TEK: variants seen among roughly 807,000 people sequenced by gnomAD.
TEK encodes the protein TEK receptor tyrosine kinase.
TEK carries 43 observed loss-of-function variants against 131.8 expected under a neutral mutation model. The ratio of observed to expected loss-of-function variants is 0.33; its 90% CI spans 0.26 to 0.42. TEK has a LOEUF of 0.42. Among genes scored for constraint, TEK ranks in the 10% least tolerant of loss-of-function variants. TEK has a pLI of 1.00. For synonymous variants in TEK, 580 were observed against 491.6 expected (o/e 1.18, Z -2.38); for missense variants, 1,162 against 1,384.4 (o/e 0.84, Z 2.55).
intron 1 of TEK, among the ~76,000 whole-genome samples, chr9:27,118,982 A>C (rs1396071394): frequency 1.3e-5 from 2 of 152,230 alleles, no homozygotes; most frequent in African/African-American, 4.8e-5. Flanking sequence ...AAGATGGACC[A>C]AGACAGGCAC....
Position 27,173,145 on chromosome 9 carries a change from G to T in TEK, c.761-77G>T, listed in dbSNP as rs1824028680. On this transcript the variant is annotated intron_variant, in intron 5 of 22. Transcript: ENST00000380036. ...GTTTCCCATATTCACTAGACTAGGA[G>T]AAATGAATCTAAAGAATTATGTATT... The T allele has an allele frequency of 3.8e-6, 6 of 1,574,988 alleles. No homozygotes were observed. In the African/African-American group the frequency reaches 6.8e-5, roughly 18 times the overall value.
At chr9:27,224,223 A>G (rs1826211920) in intron 21 of TEK, among the ~76,000 whole-genome samples, 3 of 150,942 alleles carry the variant, frequency 2.0e-5, no homozygotes, top group African/African-American at 7.3e-5. Context: ...ACTATTCCAA[A>G]CAATAGAAAA....
intron 1 of TEK, among the ~76,000 whole-genome samples, chr9:27,130,556 A>T (rs1037194112): frequency 1.3e-4 from 20 of 152,134 alleles, no homozygotes; most frequent in African/African-American, 4.8e-4. Flanking sequence ...TCAATTCAAG[A>T]ATAATAAAAG....
intron 5 of TEK, 131 bp downstream of exon 5, chr9:27,172,878 G>C (rs921481451): frequency 7.8e-7 from 1 of 1,285,028 alleles, no homozygotes; most frequent in Non-Finnish European, 1.1e-6. Context: ...GTACCTGTGT[G>C]TGAATTAGAA....
chr9:27,180,760 A>C (rs1487224407), intron 7 of TEK, among the ~76,000 whole-genome samples: 1 of 152,216 alleles, frequency 6.6e-6, no homozygotes. Context: ...AATAAAACAA[A>C]TAGAAAAGAT....
intron 18 of TEK, among the ~76,000 whole-genome samples, chr9:27,214,793 C>T (rs903147181): frequency 2.0e-5 from 3 of 152,162 alleles, no homozygotes; most frequent in Non-Finnish European, 4.4e-5. Context: ...TTCGAGGGCC[C>T]TGCATGCTTA....
At chr9:27,211,048 G>C (rs1248161455) in intron 16 of TEK, among the ~76,000 whole-genome samples, 1 of 151,746 alleles carries the variant, frequency 6.6e-6, no homozygotes, top group Non-Finnish European at 1.5e-5. Flanking sequence ...CTTGAACCTG[G>C]GAGGCGGAGG....
Position 27,212,869 on chromosome 9 carries a change from G to A in TEK, c.2849G>A (p.Arg950Gln), listed in dbSNP as rs376285577. The A allele has an allele frequency of 1.5e-5, 24 of 1,613,848 alleles. 1 individual carries two copies. In the Admixed American group the frequency reaches 1.7e-4, roughly 11 times the overall value. Residue 950 changes from arginine to glutamine, a missense_variant, in exon 17 of 23, where the codon CGG (arginine) becomes CAG (glutamine). Arg to Gln is a conservative substitution (Grantham distance 43). Transcript: ENST00000380036. ...QLLHFAADVA[R>Q]GMDYLSQKQF... ...CTTCACTTCGCTGCCGACGTGGCCC[G>A]GGGCATGGACTACTTGAGCCAAAAA... is the stretch of plus-strand genomic sequence containing the variant.
chr9:27,191,807 C>T (rs2208635), intron 10 of TEK: 16,620 of 383,234 alleles, frequency 0.043, 954 homozygotes, highest in Admixed American at 0.2. Flanking sequence ...AATAATCCAT[C>T]ACCTTTGTCT....
At chr9:27,226,562 C>T (rs1301558501) in intron 21 of TEK, among the ~76,000 whole-genome samples, 1 of 151,826 alleles carries the variant, frequency 6.6e-6, no homozygotes, top group East Asian at 1.9e-4. Context: ...AGGGGAATAT[C>T]ACACGCCTAT....
At chr9:27,119,096 T>G (rs1821681892) in intron 1 of TEK, among the ~76,000 whole-genome samples, 2 of 152,156 alleles carry the variant, frequency 1.3e-5, no homozygotes, top group African/African-American at 4.8e-5. Flanking sequence ...CTATTTTGAG[T>G]TAGCTTCTAT....
At chr9:27,187,125 G>A (rs1377243267) in intron 9 of TEK, among the ~76,000 whole-genome samples, 1 of 152,310 alleles carries the variant, frequency 6.6e-6, no homozygotes, top group East Asian at 1.9e-4. Flanking sequence ...AACAAACCAT[G>A]TGGTGAATAC....
intron 1 of TEK, among the ~76,000 whole-genome samples, chr9:27,136,099 T>G (rs904871049): frequency 6.6e-6 from 1 of 151,390 alleles, no homozygotes; most frequent in African/African-American, 2.4e-5. Flanking sequence ...TTTTTTTTTT[T>G]GAGATGGAGT....
Position 27,157,703 on chromosome 9 carries a change from A to T in TEK, c.53-128A>T, listed in dbSNP as rs1314767723. On this transcript the variant is annotated intron_variant, in intron 1 of 22. Transcript: ENST00000380036. ...ATTTTGTCCAGTGGAAGATAGGCAC[A>T]TGGTCAGAATAGCATTTTAGAAAGA... The T allele has an allele frequency of 3.5e-6, 4 of 1,127,300 alleles. No homozygotes were observed. In the African/African-American group the frequency reaches 4.6e-5, roughly 13 times the overall value. The allele number at this position is 1,127,300 out of a possible 1,614,324, so 69.8% of individuals were successfully genotyped here. A position where few individuals can be genotyped will look rare whatever the true frequency, so the allele number is the denominator to read the frequency against.
chr9:27,219,651 T>A (rs924845349), intron 20 of TEK, among the ~76,000 whole-genome samples: 4 of 152,228 alleles, frequency 2.6e-5, no homozygotes, highest in Non-Finnish European at 5.9e-5. Flanking sequence ...CCAACATGCA[T>A]GGCTTTTGTA....
chr9:27,207,795 A>G (rs1825450840), intron 15 of TEK, among the ~76,000 whole-genome samples: 1 of 152,170 alleles, frequency 6.6e-6, no homozygotes, highest in South Asian at 2.1e-4. Context: ...TTACCTCTAA[A>G]TCTTATTAAA....
chr9:27,200,540 G>A lies in TEK; in HGVS notation c.1910-2280G>A, dbSNP rs375502479. Among the ~76,000 whole-genome samples, 53 of 152,252 alleles carry A rather than the reference G, an allele frequency of 3.5e-4. No individual in the cohort carries two copies. In the East Asian group the frequency reaches 3.7e-3, roughly 11 times the overall value. Reference sequence around the variant, plus strand: ...TGATCCCTATAGGGTCAGGAAATCCGAGGAAGGAGGATGTGAATGAGAACA... The same window carrying A: ...TGATCCCTATAGGGTCAGGAAATCCAAGGAAGGAGGATGTGAATGAGAACA... On this transcript the variant is annotated intron_variant, in intron 12 of 22. Coordinates refer to ENST00000380036, the MANE Select transcript of TEK (RefSeq NM_000459.5).
chr9:27,174,964 G>T lies in TEK; in HGVS notation c.901+1602G>T, dbSNP rs1021462989. On this transcript the variant is annotated intron_variant, in intron 6 of 22. Coordinates refer to ENST00000380036, the MANE Select transcript of TEK (RefSeq NM_000459.5). ...TGTGTCTCTGGGCCCAGGTTTTTTT[G>T]TTTTTTTTTTAATTCTTTTTATTAT... 4.1e-4 allele frequency among the ~76,000 whole-genome samples: 61 copies of T among 150,058 alleles called. 1 individual carries two copies. The highest frequency in any genetic ancestry group is 3.4e-3 in the Middle Eastern group (1 of 290).
chr9:27,171,471 C>T (rs1454918771), intron 4 of TEK, among the ~76,000 whole-genome samples: 1 of 152,132 alleles, frequency 6.6e-6, no homozygotes, highest in Non-Finnish European at 1.5e-5. Flanking sequence ...TCAGAGTAGG[C>T]ACGTGTATAA....
Sources: allele counts gnomAD v4.1 joint callset (sites outside exome capture counted in the v4.1 genomes callset), GRCh38; gene constraint gnomAD v4.1.1; transcripts MANE v1.5; gene names NCBI Gene and HGNC (gene_info 2026-07-23, HGNC 2026-07-21).